The following KIAA0930 variants were observed in gnomAD, a reference collection of about 807,000 sequenced individuals.
KIAA0930 encodes the protein KIAA0930, also known as uncharacterized protein KIAA0930.
In KIAA0930, 24 loss-of-function variants were observed where a neutral mutation model predicts 43.9. The ratio of observed to expected loss-of-function variants is 0.55; its 90% CI spans 0.40 to 0.77. The LOEUF is 0.77. KIAA0930 is among the 30% of genes least tolerant of loss of function. The probability of loss-of-function intolerance (pLI) is 0.00; values close to 1 mark genes in which losing one functional copy is unlikely to be tolerated. For missense variants in KIAA0930, 461 were observed against 574.2 expected (o/e 0.80, Z 2.02); for synonymous variants, 259 against 216.4 (o/e 1.20, Z -1.73).
chr22:45,202,844 G>A (rs1397750442), intron 7 of KIAA0930, 146 bp downstream of exon 7: 2 of 647,788 alleles, frequency 3.1e-6, no homozygotes, highest in Middle Eastern at 3.9e-4. Flanking sequence ...GGTGGTCCGG[G>A]CCTCCGCACG....
In KIAA0930 at chr22:45,193,126, A is replaced by G. The variant is rs971307981; in HGVS notation, c.*4050T>C. Reference sequence around the variant, plus strand: ...CGTCCTATCAGGTGGTTGTTTGTAAAACAAAAGTACAGTCATTCTGCTTTC... The same window carrying G: ...CGTCCTATCAGGTGGTTGTTTGTAAGACAAAAGTACAGTCATTCTGCTTTC... On this transcript the variant is annotated 3_prime_UTR_variant, in exon 10 of 10. Transcript: ENST00000336156. The G allele has an allele frequency of 1.3e-5, 2 of 152,194 alleles. No individual in the cohort carries two copies. Among genetic ancestry groups the G allele is most frequent in the African/African-American group, 4.8e-5 (2 of 41,438 alleles). 9.4% of individuals were successfully genotyped at this position (152,194 alleles called of 1,614,324 possible). A position where few individuals can be genotyped will look rare whatever the true frequency, so the allele number is the denominator to read the frequency against.
rs1455741297 is a variant in KIAA0930 at position 45,196,960 on chromosome 22, A to G, written c.*216T>C. On this transcript the variant is annotated 3_prime_UTR_variant, in exon 10 of 10. Transcript: ENST00000336156. The surrounding 1 kb of genome is among the most constrained non-coding windows in gnomAD (Gnocchi z 4.1). The stretch of plus-strand genomic sequence containing the variant: ...GTGGGGGGCGATGGGCGGGGGGCAC[A>G]GGGCGGAGCAGCGCCAGCAGGGGAG... The G allele has an allele frequency of 1.9e-6, 1 of 514,234 alleles. No individual in the cohort carries two copies. The highest frequency in any genetic ancestry group is 3.4e-6 in the Non-Finnish European group (1 of 291,652). The allele number at this position is 514,234 out of a possible 1,614,324, so 31.9% of individuals were successfully genotyped here.
At chr22:45,201,150 A>G (rs988492450) in intron 7 of KIAA0930, 12 of 429,600 alleles carry the variant, frequency 2.8e-5, no homozygotes, top group African/African-American at 2.3e-4. Context: ...GTGTTCCCAC[A>G]AGCCGGGGAA....
chr22:45,213,074 C>T (rs1299044164), intron 1 of KIAA0930, among the ~76,000 whole-genome samples: 1 of 152,234 alleles, frequency 6.6e-6, no homozygotes, highest in Non-Finnish European at 1.5e-5. Context: ...CTAATCCCGA[C>T]ACTTAGAGAT....
chr22:45,237,314 C>T (rs548402404), intron 1 of KIAA0930, among the ~76,000 whole-genome samples: 1 of 152,260 alleles, frequency 6.6e-6, no homozygotes, highest in South Asian at 2.1e-4. Context: ...CTGTCTCCCC[C>T]ATGGACTGTG....
At chr22:45,224,827 A>G (rs1409020234) in intron 1 of KIAA0930, among the ~76,000 whole-genome samples, 2 of 152,098 alleles carry the variant, frequency 1.3e-5, no homozygotes, top group Non-Finnish European at 2.9e-5. Flanking sequence ...GAGGAAGTAG[A>G]GTGGGAAGAA....
chr22:45,231,948 G>A (rs1249177764), intron 1 of KIAA0930, among the ~76,000 whole-genome samples: 2 of 152,170 alleles, frequency 1.3e-5, no homozygotes, highest in African/African-American at 2.4e-5. Context: ...CCGAGATCGC[G>A]CCACTGCACT....
intron 2 of KIAA0930, chr22:45,207,806 T>G (rs1383843725): frequency 5.9e-6 from 1 of 169,616 alleles, no homozygotes; most frequent in African/African-American, 2.4e-5. Flanking sequence ...CAACCTTGCC[T>G]AGGAGCGAGA....
chr22:45,213,256 C>T (rs1037738616), intron 1 of KIAA0930: 154 of 1,238,162 alleles, frequency 1.2e-4, no homozygotes, highest in Non-Finnish European at 1.5e-4. Context: ...CCCCAGCCCT[C>T]GGCCCTCAGC....
chr22:45,202,932 A>G, intron 7 of KIAA0930, 58 bp downstream of exon 7: 1 of 1,425,048 alleles, frequency 7.0e-7, no homozygotes, highest in Non-Finnish European at 9.6e-7. Flanking sequence ...CACGGGGGAG[A>G]CGGTGGAAAG....
rs1027427885 is a variant in KIAA0930 at position 45,193,107 on chromosome 22, A to G, written c.*4069T>C. The G allele has an allele frequency of 2.0e-5, 3 of 152,134 alleles. No homozygotes were observed. The highest frequency in any genetic ancestry group is 7.2e-5 in the African/African-American group (3 of 41,418). The allele number at this position is 152,134 out of a possible 1,614,324, so 9.4% of individuals were successfully genotyped here. A position where few individuals can be genotyped will look rare whatever the true frequency, so the allele number is the denominator to read the frequency against. On this transcript the variant is annotated 3_prime_UTR_variant, in exon 10 of 10. Coordinates refer to ENST00000336156, the MANE Select transcript of KIAA0930 (RefSeq NM_001009880.2). ...CCTTATCTCGTGGAGTGTCCGTCCT[A>G]TCAGGTGGTTGTTTGTAAAACAAAA...
chr22:45,203,623 C>T (rs2072722), intron 6 of KIAA0930, among the ~76,000 whole-genome samples: 15,152 of 152,232 alleles, frequency 0.1, 885 homozygotes, highest in East Asian at 0.25. Flanking sequence ...GCTCACATTT[C>T]AGATGAAGGC....
intron 7 of KIAA0930, 109 bp downstream of exon 7, chr22:45,202,881 G>A (rs2083601570): frequency 3.3e-6 from 3 of 910,506 alleles, no homozygotes; most frequent in Middle Eastern, 2.6e-4. Flanking sequence ...GCGCACTGGT[G>A]GTTGGGGATG....
chr22:45,200,957 G>A (rs1376834156), intron 7 of KIAA0930: 1 of 510,420 alleles, frequency 2.0e-6, no homozygotes. Context: ...AGTTCGCCAG[G>A]TGAAGAAGGG....
chr22:45,222,094 G>C (rs887495739), intron 1 of KIAA0930, among the ~76,000 whole-genome samples: 1 of 152,068 alleles, frequency 6.6e-6, no homozygotes, highest in Non-Finnish European at 1.5e-5. Context: ...TTCCACAATT[G>C]GTCTTGGTAC....
intron 1 of KIAA0930, among the ~76,000 whole-genome samples, chr22:45,221,798 G>A (rs1247717764): frequency 2.6e-5 from 4 of 152,122 alleles, no homozygotes; most frequent in Admixed American, 6.6e-5. Flanking sequence ...ACGGTGGCAC[G>A]ATCTTGGCTC....
intron 1 of KIAA0930, among the ~76,000 whole-genome samples, chr22:45,238,750 G>A (rs985978966): frequency 3.3e-5 from 5 of 152,046 alleles, no homozygotes; most frequent in Non-Finnish European, 5.9e-5. Context: ...CGTGAGTATC[G>A]TAGGCACATA....
intron 2 of KIAA0930, among the ~76,000 whole-genome samples, chr22:45,206,846 G>A (rs906402683): frequency 4.0e-5 from 6 of 151,156 alleles, no homozygotes; most frequent in Non-Finnish European, 7.4e-5. Flanking sequence ...TTACAGGCAC[G>A]TGCCACCACA....
At chr22:45,222,482 G>GT (rs202068874) in intron 1 of KIAA0930, among the ~76,000 whole-genome samples, 3,093 of 152,106 alleles carry the variant, frequency 0.02, 103 homozygotes, top group African/African-American at 0.071. Flanking sequence ...GCTACTTTTT[G>GT]TATTTTTTGT....
Sources: gnomAD v4.1 joint callset for allele counts (sites outside exome capture counted in the v4.1 genomes callset) on GRCh38, gnomAD v4.1.1 for gene constraint, Gnocchi (gnomAD v3.1) non-coding constraint, MANE v1.5 for transcripts, NCBI Gene and HGNC (gene_info 2026-07-23, HGNC 2026-07-21) for gene names.